Variants in NRG2 observed in about 807,000 individuals in gnomAD.
NRG2 encodes neuregulin 2, also known as pro-neuregulin-2, membrane-bound isoform.
Under a neutral mutation model 73.9 loss-of-function variants are expected in NRG2, and 27 were observed. That is an observed-to-expected ratio of 0.37 (90% CI 0.27 to 0.50). The LOEUF (loss-of-function observed/expected upper bound fraction) is 0.50, where lower values mean the gene tolerates loss of function less well. Among genes scored for constraint, NRG2 ranks in the 20% least tolerant of loss-of-function variants. NRG2 has a pLI of 0.96. For synonymous variants in NRG2, 532 were observed against 541.0 expected (o/e 0.98, Z 0.23); for missense variants, 1,126 against 1,210.1 (o/e 0.93, Z 1.03).
intron 1 of NRG2, among the ~76,000 whole-genome samples, chr5:140,018,801 T>C (rs951654087): frequency 2.0e-5 from 3 of 152,202 alleles, no homozygotes; most frequent in African/African-American, 7.2e-5. Flanking sequence ...CTCCTGAGCA[T>C]GCTCTCTTTT....
intron 1 of NRG2, among the ~76,000 whole-genome samples, chr5:139,890,390 T>C (rs1764129593): frequency 1.3e-5 from 2 of 152,266 alleles, no homozygotes; most frequent in South Asian, 4.1e-4. Flanking sequence ...CTACAAAGTT[T>C]TTTCCCCTCA....
At position 139,982,624 on chromosome 5, in the gene NRG2, C is replaced by T. The variant is rs369369001; in HGVS notation, c.700+59746G>A. Among the ~76,000 whole-genome samples the T allele has an allele frequency of 1.7e-4, 26 of 152,320 alleles. 2 individuals are homozygous for T. The highest frequency in any genetic ancestry group is 6.0e-4 in the African/African-American group (25 of 41,566). ...GCGTCAGTCCTAGACAGCGAGTTTC[C>T]GGTTCTTTGAGAGTTGGAACCATGT... is the stretch of plus-strand genomic sequence containing the variant. On this transcript the variant is annotated intron_variant, in intron 1 of 9. Transcript: ENST00000361474.
At chr5:139,871,214 C>G (rs1434009669) in intron 4 of NRG2, 1 of 159,364 alleles carries the variant, frequency 6.3e-6, no homozygotes, top group African/African-American at 2.4e-5. Flanking sequence ...CCCTCTTCTC[C>G]CCTCAAGACT....
rs533804016 is a variant in NRG2, at chr5:139,962,004, C to T, written c.701-74493G>A. 4.6e-5 allele frequency among the ~76,000 whole-genome samples: 7 copies of T among 152,290 alleles called. No homozygotes were observed. In the South Asian group the frequency reaches 1.5e-3, roughly 32 times the overall value. Reference sequence around the variant, plus strand: ...CTGAGGCTCTTGCTTTCCTGACCAGCACAGAGAGCTGGTCATTGGGATTTA... The same window carrying T: ...CTGAGGCTCTTGCTTTCCTGACCAGTACAGAGAGCTGGTCATTGGGATTTA... On this transcript the variant is annotated intron_variant, in intron 1 of 9. Transcript: ENST00000361474.
chr5:139,938,963 A>AGAAAAAAGAAGGAAGGAAGG (rs1753141190), intron 1 of NRG2, among the ~76,000 whole-genome samples: 1 of 138,462 alleles, frequency 7.2e-6, no homozygotes, highest in Non-Finnish European at 1.5e-5. Flanking sequence ...GAAAGAAAAA[A>AGAAAAAAGAAGGAAGGAAGG]GAAGGAAGGA....
At position 139,894,875 on chromosome 5, in the gene NRG2, A is replaced by G. The variant is rs1420092704; in HGVS notation, c.701-7364T>C. ...CCTGCACCAGTGAAAACCAGCCTAG[A>G]CCTGATGGGCTTTCAGCTCAGCAGC... is the stretch of plus-strand genomic sequence containing the variant. On this transcript the variant is annotated intron_variant, in intron 1 of 9. Coordinates refer to ENST00000361474, the MANE Select transcript of NRG2 (RefSeq NM_004883.3). This position sits in a 1 kb window ranked among gnomAD's most constrained non-coding sequence, Gnocchi z 5.0. Among the ~76,000 whole-genome samples the G allele has an allele frequency of 6.6e-6, 1 of 152,086 alleles. No homozygotes were observed. Among genetic ancestry groups the G allele is most frequent in the African/African-American group, 2.4e-5 (1 of 41,426 alleles).
At chr5:139,990,015 C>G (rs935098682) in intron 1 of NRG2, among the ~76,000 whole-genome samples, 17 of 151,342 alleles carry the variant, frequency 1.1e-4, no homozygotes, top group Admixed American at 3.3e-4. Context: ...GTCTTGATCT[C>G]CTGACCTTGT....
chr5:139,958,557 A>G (rs763547686), intron 1 of NRG2, among the ~76,000 whole-genome samples: 3 of 152,324 alleles, frequency 2.0e-5, no homozygotes, highest in Non-Finnish European at 4.4e-5. Context: ...GGTGTTTGCA[A>G]TGCTTACAAA....
At chr5:139,979,095 G>T (rs1177071985) in intron 1 of NRG2, among the ~76,000 whole-genome samples, 1 of 108,292 alleles carries the variant, frequency 9.2e-6, no homozygotes, top group African/African-American at 3.6e-5. Context: ...TGGGGTGGGG[G>T]GAGGGGGGAG....
rs775727414 is a variant in NRG2, at chr5:139,865,002, G to A, written c.1189+547C>T. On this transcript the variant is annotated intron_variant, in intron 5 of 9. Transcript: ENST00000361474. This position sits in a 1 kb window ranked among gnomAD's most constrained non-coding sequence, Gnocchi z 5.2. Reference sequence around the variant, plus strand: ...GGGGTGTTTCCGTCTCCTCTAAGGAGCGCAGGACACCCTCTACATCTCCCC... The same window carrying A: ...GGGGTGTTTCCGTCTCCTCTAAGGAACGCAGGACACCCTCTACATCTCCCC... The A allele has an allele frequency of 5.5e-6, 5 of 912,026 alleles. No homozygotes were observed. The highest frequency in any genetic ancestry group is 3.5e-5 in the Admixed American group (2 of 57,566). 56.5% of individuals were successfully genotyped at this position (912,026 alleles called of 1,614,324 possible). A position where few individuals can be genotyped will look rare whatever the true frequency, so the allele number is the denominator to read the frequency against.
intron 1 of NRG2, among the ~76,000 whole-genome samples, chr5:139,897,343 CA>C (rs1764611355): frequency 6.6e-6 from 1 of 152,228 alleles, no homozygotes; most frequent in African/African-American, 2.4e-5. Context: ...GAAGTTTGCA[CA>C]GTGCCTGAAA....
Position 140,043,002 on chromosome 5 carries a change from C to G in NRG2, c.68G>C (p.Ser23Thr). 6.4e-7 allele frequency: 1 copy of G among 1,566,708 alleles called. No homozygotes were observed. The highest frequency in any genetic ancestry group is 8.6e-7 in the Non-Finnish European group (1 of 1,161,206). The part of the protein sequence containing the change: ...PLEKGRCSSY[S>T]DSSSSSSERS... ...CTCGCTGCTGCTGCTGCTGCTGTCG[C>G]TGTAGCTGCTGCACCGACCCTTCTC... The change falls in exon 1 of 10, where the codon AGC becomes ACC. Residue 23 changes from serine to threonine, a missense_variant. Physicochemically the swap from Ser to Thr is moderately conservative, Grantham distance 58. Coordinates refer to ENST00000361474, the MANE Select transcript of NRG2 (RefSeq NM_004883.3). This position sits in a 1 kb window ranked among gnomAD's most constrained non-coding sequence, Gnocchi z 6.7.
chr5:139,863,446 C>T (rs947082726), intron 5 of NRG2, among the ~76,000 whole-genome samples: 3 of 152,264 alleles, frequency 2.0e-5, no homozygotes, highest in African/African-American at 7.2e-5. Flanking sequence ...TTCTGGGCTC[C>T]CGGGGCCCTG....
At chr5:139,933,265 A>T (rs1213611328) in intron 1 of NRG2, among the ~76,000 whole-genome samples, 1 of 151,716 alleles carries the variant, frequency 6.6e-6, no homozygotes, top group African/African-American at 2.4e-5. Flanking sequence ...ACAGAGTGAG[A>T]CTCCGTCTCA....
chr5:140,016,740 T>C (rs1156806834), intron 1 of NRG2, among the ~76,000 whole-genome samples: 1 of 152,274 alleles, frequency 6.6e-6, no homozygotes, highest in East Asian at 1.9e-4. Context: ...TGAGCTGAGC[T>C]CGGAAGGGCA....
intron 2 of NRG2, among the ~76,000 whole-genome samples, chr5:139,886,513 G>A (rs1763882486): frequency 6.6e-6 from 1 of 152,228 alleles, no homozygotes; most frequent in African/African-American, 2.4e-5. Flanking sequence ...GGTAGAAAAG[G>A]TTTGGGAGCT....
chr5:139,910,162 G>C (rs1386946116), intron 1 of NRG2, among the ~76,000 whole-genome samples: 1 of 152,216 alleles, frequency 6.6e-6, no homozygotes, highest in Non-Finnish European at 1.5e-5. Flanking sequence ...CTATGAAACA[G>C]GGAGATACAC....
intron 1 of NRG2, among the ~76,000 whole-genome samples, chr5:139,955,171 G>A (rs916137351): frequency 6.6e-6 from 1 of 152,200 alleles, no homozygotes; most frequent in Non-Finnish European, 1.5e-5. Flanking sequence ...GTTACAGGGT[G>A]TGCAAGTGCT....
At chr5:139,959,804 C>T (rs759956548) in intron 1 of NRG2, among the ~76,000 whole-genome samples, 25 of 152,326 alleles carry the variant, frequency 1.6e-4, no homozygotes, top group South Asian at 6.2e-4. Flanking sequence ...TGAGCCACCG[C>T]GCCCAGCCGA....
Sources: allele counts gnomAD v4.1 joint callset (sites outside exome capture counted in the v4.1 genomes callset), GRCh38; gene constraint gnomAD v4.1.1; non-coding constraint Gnocchi (gnomAD v3.1); transcripts MANE v1.5; gene names NCBI Gene and HGNC (gene_info 2026-07-23, HGNC 2026-07-21).